Variants in DOK7 observed in about 807,000 individuals in gnomAD.
The protein encoded by DOK7 is docking protein 7.
A neutral mutation model predicts 30.7 loss-of-function variants in DOK7; 32 were observed. The observed-to-expected ratio is 1.04, with a 90% CI of 0.79 to 1.40. The LOEUF (loss-of-function observed/expected upper bound fraction) is 1.40, where lower values mean the gene tolerates loss of function less well. DOK7 is among the 40% of genes most tolerant of loss of function. DOK7 has a pLI of 0.00. For missense variants in DOK7, 1,007 were observed against 699.2 expected (o/e 1.44, Z -4.97); for synonymous variants, 447 against 324.1 (o/e 1.38, Z -4.07).
intron 3 of DOK7, among the ~76,000 whole-genome samples, chr4:3,475,241 G>C (rs1726994144): frequency 6.6e-6 from 1 of 152,268 alleles, no homozygotes; most frequent in Non-Finnish European, 1.5e-5. Flanking sequence ...CAGCGGCATG[G>C]GTCTGCTTCC....
intron 6 of DOK7, among the ~76,000 whole-genome samples, chr4:3,490,606 CCCTGCTCGTTCATTCCTTCCCTCTCCG>C (rs1207594034): frequency 2.9e-5 from 2 of 68,158 alleles, no homozygotes; most frequent in Non-Finnish European, 5.4e-5. Context: ...TTTCTTCTCT[CCCTGCTCGTTCATTCCTTCCCTCTCCG>C]CCTGCTCGTT....
chr4:3,498,040 C>T (rs1468486581), downstream of DOK7, among the ~76,000 whole-genome samples: 1 of 152,124 alleles, frequency 6.6e-6, no homozygotes, highest in Non-Finnish European at 1.5e-5. Flanking sequence ...TCCACAGAGG[C>T]CGGGGGCTCA....
chr4:3,464,584 C>CT (rs1726168564), intron 2 of DOK7, among the ~76,000 whole-genome samples: 1 of 152,186 alleles, frequency 6.6e-6, no homozygotes, highest in Non-Finnish European at 1.5e-5. Context: ...CCCTGCCAGG[C>CT]TGGGGCGGAT....
intron 2 of DOK7, 151 bp from the exon 3 acceptor site, chr4:3,473,255 T>C: frequency 1.4e-6 from 1 of 693,772 alleles, no homozygotes; most frequent in Admixed American, 2.4e-5. Flanking sequence ...CCATTTTGTA[T>C]GCCGGGAGTC....
In DOK7 at chr4:3,463,454, G is replaced by C. The variant is rs769791490; in HGVS notation, c.54+25G>C. The C allele has an allele frequency of 2.4e-5, 34 of 1,416,524 alleles. No individual in the cohort carries two copies. The highest frequency in any genetic ancestry group is 2.3e-4 in the Admixed American group (8 of 34,274). The allele number at this position is 1,416,524 out of a possible 1,614,324, so 87.7% of individuals were successfully genotyped here. A position where few individuals can be genotyped will look rare whatever the true frequency, so the allele number is the denominator to read the frequency against. On this transcript the variant is annotated intron_variant, in intron 1 of 6. Coordinates refer to ENST00000340083, the MANE Select transcript of DOK7 (RefSeq NM_173660.5). Reference sequence around the variant, plus strand: ...GGTCGGGGCGCGTCGGGGGCGCGGGGGGGGGGGGCGCGGGCGCGGGCGGCG... The same window carrying C: ...GGTCGGGGCGCGTCGGGGGCGCGGGCGGGGGGGGCGCGGGCGCGGGCGGCG...
At chr4:3,477,263 C>A in intron 4 of DOK7, among the ~76,000 whole-genome samples, 1 of 152,258 alleles carries the variant, frequency 6.6e-6, no homozygotes, top group East Asian at 1.9e-4. Context: ...TGTGACGCCT[C>A]CTCTCTTCTC....
chr4:3,496,626 A>C (rs1728926378), downstream of DOK7, among the ~76,000 whole-genome samples: 1 of 151,776 alleles, frequency 6.6e-6, no homozygotes, highest in African/African-American at 2.4e-5. Flanking sequence ...GGTGGCCCGG[A>C]GATCTGGGGG....
chr4:3,497,042 G>A (rs933510007), downstream of DOK7, among the ~76,000 whole-genome samples: 2 of 151,884 alleles, frequency 1.3e-5, no homozygotes, highest in African/African-American at 4.8e-5. Flanking sequence ...ATGTTGGGTG[G>A]CAGTGGGTGT....
chr4:3,498,659 G>A (rs944245452), downstream of DOK7, among the ~76,000 whole-genome samples: 17 of 151,922 alleles, frequency 1.1e-4, no homozygotes, highest in Non-Finnish European at 2.2e-4. Flanking sequence ...CCTCAGCCAT[G>A]CCCCCTCCTC....
intron 2 of DOK7, among the ~76,000 whole-genome samples, chr4:3,464,263 G>A (rs1726144922): frequency 1.3e-5 from 2 of 152,196 alleles, no homozygotes; most frequent in South Asian, 2.1e-4. Flanking sequence ...GGGGCTGTAC[G>A]CCAGGGGGCT....
exon 8 of DOK7, chr4:3,500,748 A>G (rs1729145639): frequency 6.5e-7 from 1 of 1,535,196 alleles, no homozygotes; most frequent in Non-Finnish European, 8.7e-7. Flanking sequence ...GACGGCGCAC[A>G]GAGTGGGGGT....
At chr4:3,477,956 G>T (rs1727204126) in intron 4 of DOK7, among the ~76,000 whole-genome samples, 1 of 152,200 alleles carries the variant, frequency 6.6e-6, no homozygotes, top group African/African-American at 2.4e-5. Flanking sequence ...TGGGGAGTGG[G>T]TTGGCGGTGG....
At chr4:3,468,767 T>TGA in intron 2 of DOK7, among the ~76,000 whole-genome samples, 1 of 145,594 alleles carries the variant, frequency 6.9e-6, no homozygotes, top group African/African-American at 2.8e-5. Context: ...CGTGTGTGTG[T>TGA]GCATGTATGT....
At chr4:3,496,721 T>C (rs3135164), downstream of DOK7, 787,244 of 1,357,766 alleles carry the variant, frequency 0.58, 233,990 homozygotes, top group East Asian at 0.92. Context: ...CCAGCCTGTG[T>C]CACTCTTGGG....
At chr4:3,497,240 G>A (rs1228050705), downstream of DOK7, among the ~76,000 whole-genome samples, 1 of 152,200 alleles carries the variant, frequency 6.6e-6, no homozygotes, top group South Asian at 2.1e-4. Context: ...GAGGGGGCAT[G>A]GCAGGAAGGC....
Position 3,494,304 on chromosome 4 carries a change from T to A in DOK7, c.*803T>A. 1 of 985,554 alleles carries A rather than the reference T, an allele frequency of 1.0e-6. No individual in the cohort carries two copies. Among genetic ancestry groups the A allele is most frequent in the African/African-American group, 1.7e-5 (1 of 57,354 alleles). The allele number at this position is 985,554 out of a possible 1,614,324, so 61.1% of individuals were successfully genotyped here. On this transcript the variant is annotated 3_prime_UTR_variant, in exon 7 of 7. Coordinates refer to ENST00000340083, the MANE Select transcript of DOK7 (RefSeq NM_173660.5). ...CAGGCCTCAGCCCCTGCGTCGGAGG[T>A]GGGGCTGTGTTGGGCCCATTGTCCC...
At chr4:3,468,516 A>ATGTGTGTGACTGTGCGTG (rs1284349437) in intron 2 of DOK7, among the ~76,000 whole-genome samples, 2,485 of 106,810 alleles carry the variant, frequency 0.023, 78 homozygotes, top group African/African-American at 0.092. Context: ...GTGTGCGTGT[A>ATGTGTGTGACTGTGCGTG]TGAGTGTGTG....
Position 3,493,766 on chromosome 4 carries a change from G to T in DOK7, c.*265G>T, listed in dbSNP as rs35748957. ...CCCCAATGCTCAGCTGCTTCACTCC[G>T]TGTCCCCCACCCCTGAGGATCAGGT... On this transcript the variant is annotated 3_prime_UTR_variant, in exon 7 of 7. Transcript: ENST00000340083. 4.9e-5 allele frequency: 68 copies of T among 1,394,708 alleles called. 1 individual carries two copies. In the South Asian group the frequency reaches 1.1e-3, roughly 22 times the overall value. The allele number at this position is 1,394,708 out of a possible 1,614,324, so 86.4% of individuals were successfully genotyped here. A position where few individuals can be genotyped will look rare whatever the true frequency, so the allele number is the denominator to read the frequency against.
At chr4:3,501,203 G>T (rs1329605540) in exon 8 of DOK7, 2 of 257,250 alleles carry the variant, frequency 7.8e-6, no homozygotes, top group Non-Finnish European at 1.5e-5. Flanking sequence ...TCACCCTGGG[G>T]GTGACTGCAT....
Sources: gnomAD v4.1 joint callset for allele counts (sites outside exome capture counted in the v4.1 genomes callset) on GRCh38, gnomAD v4.1.1 for gene constraint, MANE v1.5 for transcripts, NCBI Gene and HGNC (gene_info 2026-07-23, HGNC 2026-07-21) for gene names.